UNC5C: variants seen among roughly 807,000 people sequenced by gnomAD.
UNC5C encodes the protein netrin receptor UNC5C.
In UNC5C, 47 loss-of-function variants were observed where a neutral mutation model predicts 99.8. The observed-to-expected ratio is 0.47, with a 90% CI of 0.37 to 0.60. The LOEUF (loss-of-function observed/expected upper bound fraction) is 0.60. Among genes scored for constraint, UNC5C ranks in the 20% least tolerant of loss-of-function variants. The pLI is 0.00. For missense variants in UNC5C, 1,062 were observed against 1,165.9 expected, an observed-to-expected ratio of 0.91 and a Z score of 1.30; for synonymous variants, 487 against 452.2, an observed-to-expected ratio of 1.08 and a Z score of -0.98.
rs982898588 is a variant in UNC5C, at chr4:95,167,646, G to A, written c.*1588C>T. The A allele has an allele frequency of 5.9e-5, 9 of 152,200 alleles. No homozygotes were observed. Among genetic ancestry groups the A allele is most frequent in the African/African-American group, 2.2e-4 (9 of 41,442 alleles). 9.4% of individuals were successfully genotyped at this position (152,200 alleles called of 1,614,324 possible). A position where few individuals can be genotyped will look rare whatever the true frequency, so the allele number is the denominator to read the frequency against. On this transcript the variant is annotated 3_prime_UTR_variant, in exon 16 of 16. Coordinates refer to ENST00000453304, the MANE Select transcript of UNC5C (RefSeq NM_003728.4). ...GCAGGGGCATCCCAAGAGAGGCTAA[G>A]AAAATGATAATAAAGGGATGTCATC...
At position 95,365,480 on chromosome 4, in the gene UNC5C, T is replaced by C. The variant is rs1402589929; in HGVS notation, c.125-29849A>G. 2.7e-5 allele frequency among the ~76,000 whole-genome samples: 4 copies of C among 149,818 alleles called. No individual in the cohort carries two copies. The East Asian group carries it at 7.7e-4, about 29-fold the overall frequency. On this transcript the variant is annotated intron_variant, in intron 1 of 15. Coordinates refer to ENST00000453304, the MANE Select transcript of UNC5C (RefSeq NM_003728.4). ...ATAATGTAAAAGATAAATATATATT[T>C]TCAAAATTAAAATATATCACTAAAA...
intron 14 of UNC5C, among the ~76,000 whole-genome samples, chr4:95,176,934 T>G (rs1202382497): frequency 2.5e-5 from 3 of 121,340 alleles, no homozygotes; most frequent in Non-Finnish European, 3.8e-5. Context: ...GTGCGGGATA[T>G]AATCTCCTGG....
chr4:95,278,351 T>C lies in UNC5C; in HGVS notation c.502A>G (p.Thr168Ala), dbSNP rs769358889. The C allele has an allele frequency of 6.2e-7, 1 of 1,613,836 alleles. No individual in the cohort carries two copies. Among genetic ancestry groups the C allele is most frequent in the East Asian group, 2.2e-5 (1 of 44,876 alleles). ...AYVRIAYLRK[T>A]FEQEPLGKEV... is the part of the protein sequence containing the mutation. Reference sequence around the variant, plus strand: ...TTTCCTAGGGGTTCCTGCTCAAATGTCTTCCGTAGATCTGGAACGTAAAAG... The same window carrying C: ...TTTCCTAGGGGTTCCTGCTCAAATGCCTTCCGTAGATCTGGAACGTAAAAG... Residue 168 changes from threonine to alanine, a missense_variant, in exon 4 of 16, where the codon ACA becomes GCA. By Grantham distance (58) the Thr-to-Ala change is moderately conservative. This residue lies in a region of UNC5C where 249 missense variants were observed against 295.1 expected (regional missense o/e 0.84). Coordinates refer to ENST00000453304, the MANE Select transcript of UNC5C (RefSeq NM_003728.4).
chr4:95,167,399 A>G lies in UNC5C; in HGVS notation c.*1835T>C, dbSNP rs541184672. 1 of 152,350 alleles carries G rather than the reference A, an allele frequency of 6.6e-6. No individual in the cohort carries two copies. The highest frequency in any genetic ancestry group is 2.4e-5 in the African/African-American group (1 of 41,578). The allele number at this position is 152,350 out of a possible 1,614,324, so 9.4% of individuals were successfully genotyped here. A position where few individuals can be genotyped will look rare whatever the true frequency, so the allele number is the denominator to read the frequency against. ...ACACAAAGTAGTGTGTTGACTAACAAACATTTTGCAGGACAAAAGTTTTTA... is the reference window on the plus strand; with the variant it reads ...ACACAAAGTAGTGTGTTGACTAACAGACATTTTGCAGGACAAAAGTTTTTA... On this transcript the variant is annotated 3_prime_UTR_variant, in exon 16 of 16. Transcript: ENST00000453304.
chr4:95,500,725 AAATT>A (rs1721755406), intron 1 of UNC5C, among the ~76,000 whole-genome samples: 1 of 152,172 alleles, frequency 6.6e-6, no homozygotes, highest in Admixed American at 6.6e-5. Flanking sequence ...AATGAATAGA[AAATT>A]AATGCAGCCA....
intron 1 of UNC5C, among the ~76,000 whole-genome samples, chr4:95,346,807 T>C (rs1586165): frequency 0.033 from 5,068 of 152,050 alleles, 252 homozygotes; most frequent in African/African-American, 0.12. Flanking sequence ...ACAACTGGTA[T>C]CATACTAAAT....
intron 1 of UNC5C, among the ~76,000 whole-genome samples, chr4:95,530,325 C>T (rs1722609050): frequency 6.6e-6 from 1 of 152,154 alleles, no homozygotes; most frequent in Non-Finnish European, 1.5e-5. Context: ...ATGCTAAGCA[C>T]ATCTGGTAAT....
At chr4:95,367,963 T>C (rs139127598) in intron 1 of UNC5C, among the ~76,000 whole-genome samples, 1 of 152,268 alleles carries the variant, frequency 6.6e-6, no homozygotes, top group Non-Finnish European at 1.5e-5. Context: ...GACAAATTCA[T>C]TCTGATGAAA....
chr4:95,200,906 A>G (rs926953505), intron 12 of UNC5C, among the ~76,000 whole-genome samples: 1 of 150,656 alleles, frequency 6.6e-6, no homozygotes, highest in Non-Finnish European at 1.5e-5. Context: ...CCCCAGTGTG[A>G]TAGTATTAGG....
Position 95,433,356 on chromosome 4 carries a change from T to G in UNC5C, c.125-97725A>C, listed in dbSNP as rs1042305994. ...AATGGTAATATCCTAGAATAATCCTTCTTTTTGGGTTTTGGGATTTTGTAT... is the reference window on the plus strand; with the variant it reads ...AATGGTAATATCCTAGAATAATCCTGCTTTTTGGGTTTTGGGATTTTGTAT... On this transcript the variant is annotated intron_variant, in intron 1 of 15. Transcript: ENST00000453304. Among the ~76,000 whole-genome samples, 11 of 152,234 alleles carry G rather than the reference T, an allele frequency of 7.2e-5. No homozygotes were observed. The South Asian group carries it at 1.2e-3, about 17-fold the overall frequency.
intron 2 of UNC5C, among the ~76,000 whole-genome samples, chr4:95,327,934 C>A (rs112344438): frequency 0.14 from 20,473 of 141,932 alleles, 1,575 homozygotes; most frequent in African/African-American, 0.2. Flanking sequence ...CACACTGACT[C>A]TTCACGGAGC....
At chr4:95,494,186 G>C (rs1202804803) in intron 1 of UNC5C, among the ~76,000 whole-genome samples, 1 of 151,478 alleles carries the variant, frequency 6.6e-6, no homozygotes, top group Non-Finnish European at 1.5e-5. Flanking sequence ...CAGTGGAAAG[G>C]CTTGAAGAGT....
chr4:95,286,276 TTACC>T (rs1289191486), intron 3 of UNC5C, among the ~76,000 whole-genome samples: 2 of 152,222 alleles, frequency 1.3e-5, no homozygotes, highest in East Asian at 3.8e-4. Flanking sequence ...TATGCAGGTA[TTACC>T]CTGCTGTGCT....
At chr4:95,546,797 T>C (rs571441208) in intron 1 of UNC5C, among the ~76,000 whole-genome samples, 2 of 152,348 alleles carry the variant, frequency 1.3e-5, no homozygotes, top group African/African-American at 4.8e-5. Context: ...TGATTATCTT[T>C]ATTGATCCTT....
At chr4:95,250,132 T>C (rs3775002) in intron 5 of UNC5C, among the ~76,000 whole-genome samples, 68,785 of 151,938 alleles carry the variant, frequency 0.45, 16,151 homozygotes, top group East Asian at 0.63. Context: ...TGAGGTTGTC[T>C]GAGCCTATCC....
chr4:95,500,031 A>C (rs550166133), intron 1 of UNC5C, among the ~76,000 whole-genome samples: 1 of 152,222 alleles, frequency 6.6e-6, no homozygotes, highest in East Asian at 1.9e-4. Flanking sequence ...ACTCAATAGT[A>C]GATGAACTAA....
chr4:95,279,730 A>G (rs1740986268), intron 3 of UNC5C, among the ~76,000 whole-genome samples: 1 of 152,200 alleles, frequency 6.6e-6, no homozygotes, highest in African/African-American at 2.4e-5. Context: ...TAAAGACATA[A>G]GAATCTGAAA....
rs113593585 is a variant in UNC5C, at chr4:95,475,469, T to A, written c.124+73265A>T. Among the ~76,000 whole-genome samples, 869 of 152,160 alleles carry A rather than the reference T, an allele frequency of 5.7e-3. 10 individuals carry two copies. The highest frequency in any genetic ancestry group is 0.02 in the African/African-American group (816 of 41,558). On this transcript the variant is annotated intron_variant, in intron 1 of 15. Transcript: ENST00000453304. ...ATTAAAAACAACCAGTGCTAATGAC[T>A]CTTCAGTTGATGGATCCTCTCTCTT... is the stretch of plus-strand genomic sequence containing the variant.
chr4:95,280,080 C>T (rs924576940), intron 3 of UNC5C, among the ~76,000 whole-genome samples: 7 of 152,116 alleles, frequency 4.6e-5, no homozygotes, highest in Non-Finnish European at 1.0e-4. Flanking sequence ...GCTGTGCGAC[C>T]AGCTCCTAAC....
Sources: gnomAD v4.1 joint callset for allele counts (sites outside exome capture counted in the v4.1 genomes callset) on GRCh38, gnomAD v4.1.1 for gene constraint, gnomAD v4.1.1 regional missense constraint, MANE v1.5 for transcripts, NCBI Gene and HGNC (gene_info 2026-07-23, HGNC 2026-07-21) for gene names.